Variants in PRPF18 observed in about 807,000 individuals in gnomAD.
PRPF18 encodes pre-mRNA processing factor 18.
A neutral mutation model predicts 46.5 loss-of-function variants in PRPF18; 38 were observed. The ratio of observed to expected loss-of-function variants is 0.82; its 90% CI spans 0.63 to 1.07. The LOEUF (loss-of-function observed/expected upper bound fraction) is 1.07. Ranked by LOEUF, PRPF18 falls within the 50% of genes least tolerant of loss-of-function variation. The pLI, the probability that PRPF18 is intolerant of heterozygous loss-of-function variation, is 0.00. For synonymous variants in PRPF18, 152 were observed against 146.7 expected (o/e 1.04, Z -0.26); for missense variants, 263 against 410.0 (o/e 0.64, Z 3.10).
Position 13,611,487 on chromosome 10 carries a change from A to G in PRPF18, c.511-128A>G, listed in dbSNP as rs543860956. On this transcript the variant is annotated intron_variant, in intron 5 of 9. Transcript: ENST00000378572. Reference sequence around the variant, plus strand: ...TTTTGGTTTCTTATCTAGAAATTCCATCCGATTTTTAAGTAAAAATTGAAC... The same window carrying G: ...TTTTGGTTTCTTATCTAGAAATTCCGTCCGATTTTTAAGTAAAAATTGAAC... 9.4e-5 allele frequency: 68 copies of G among 719,876 alleles called. No individual in the cohort carries two copies. In the African/African-American group the frequency reaches 1.2e-3, roughly 12 times the overall value. The allele number at this position is 719,876 out of a possible 1,614,324, so 44.6% of individuals were successfully genotyped here.
At chr10:13,590,562 A>G (rs1362182238) in intron 1 of PRPF18, among the ~76,000 whole-genome samples, 5 of 150,164 alleles carry the variant, frequency 3.3e-5, no homozygotes, top group Non-Finnish European at 7.4e-5. Context: ...CGGGGCTTGC[A>G]GTGAGCTGAT....
chr10:13,621,809 T>A (rs993333374), intron 9 of PRPF18, among the ~76,000 whole-genome samples: 1 of 152,230 alleles, frequency 6.6e-6, no homozygotes, highest in African/African-American at 2.4e-5. Flanking sequence ...GGCAAGTTGT[T>A]TTCAGTAAGC....
the PRPF18 span, chr10:13,652,745 G>A: frequency 0.048 from 7,277 of 152,270 alleles, 494 homozygotes; most frequent in African/African-American, 0.14. Flanking sequence ...TCGTTCAGTG[G>A]TTGTCAAAAC....
At chr10:13,601,168 A>T (rs2080103255) in intron 3 of PRPF18, among the ~76,000 whole-genome samples, 1 of 152,212 alleles carries the variant, frequency 6.6e-6, no homozygotes, top group Non-Finnish European at 1.5e-5. Flanking sequence ...TTATGTAGAC[A>T]TCATTGCATA....
At chr10:13,627,592 A>G (rs2080526978) in intron 9 of PRPF18, among the ~76,000 whole-genome samples, 1 of 152,172 alleles carries the variant, frequency 6.6e-6, no homozygotes, top group Non-Finnish European at 1.5e-5. Flanking sequence ...GAGATTACAC[A>G]CCTATCTCTG....
intron 1 of PRPF18, among the ~76,000 whole-genome samples, chr10:13,594,916 A>G (rs2080012427): frequency 6.6e-6 from 1 of 152,254 alleles, no homozygotes; most frequent in Admixed American, 6.5e-5. Context: ...CTACTTTAGT[A>G]TGTAACAAAA....
rs2080249226 is a variant in PRPF18, at chr10:13,610,099, A to G, written c.424A>G (p.Ile142Val). The change falls in exon 5 of 10, where the codon ATC becomes GTC. Residue 142 changes from isoleucine to valine, a missense_variant. By Grantham distance (29) the Ile-to-Val change is conservative. This residue lies in a region of PRPF18 where 155 missense variants were observed against 245.1 expected (regional missense o/e 0.63). Coordinates refer to ENST00000378572, the MANE Select transcript of PRPF18 (RefSeq NM_003675.4). ...GATTGATCAGCAGTACCTCAATGAA[A>G]TCGTCGGCGGTCAGGAGCCTGGAGA... is the stretch of plus-strand genomic sequence containing the variant. The part of the protein sequence containing the change: ...DKIDQQYLNE[I>V]VGGQEPGEED... 6.2e-7 allele frequency: 1 copy of G among 1,613,908 alleles called. No homozygotes were observed. Among genetic ancestry groups the G allele is most frequent in the South Asian group, 1.1e-5 (1 of 91,076 alleles).
the PRPF18 span, chr10:13,647,580 A>G: frequency 2.0e-5 from 3 of 152,210 alleles, no homozygotes; most frequent in Non-Finnish European, 2.9e-5. Context: ...AGTTTTCCCT[A>G]TAGTGAAACT....
At chr10:13,643,795 ATAAATT>A in the PRPF18 span, 8 of 152,698 alleles carry the variant, frequency 5.2e-5, no homozygotes, top group African/African-American at 1.7e-4. Flanking sequence ...TACAAAAAGA[ATAAATT>A]AAAAGCAGAT....
chr10:13,600,044 G>A (rs932775753), intron 2 of PRPF18, among the ~76,000 whole-genome samples, 200 bp from the exon 3 acceptor site: 2 of 152,180 alleles, frequency 1.3e-5, no homozygotes, highest in African/African-American at 4.8e-5. Context: ...GCATGCTCTG[G>A]ACTTGTGATG....
At chr10:13,596,666 A>G (rs2080039674) in intron 1 of PRPF18, among the ~76,000 whole-genome samples, 1 of 152,218 alleles carries the variant, frequency 6.6e-6, no homozygotes, top group African/African-American at 2.4e-5. Context: ...GGATAATTTT[A>G]TGTATAATGT....
In PRPF18 at chr10:13,616,614, T is replaced by C. The variant is rs2080344518; in HGVS notation, c.948+61T>C. The C allele has an allele frequency of 2.5e-6, 4 of 1,578,212 alleles. No individual in the cohort carries two copies. In the African/African-American group the frequency reaches 4.1e-5, roughly 16 times the overall value. On this transcript the variant is annotated intron_variant, in intron 9 of 9. Transcript: ENST00000378572. ...GTGAATATTCTCTAATTCCCAAAAC[T>C]CTAAGTCTGGAAAGCAGGCAGAGAA...
chr10:13,591,734 T>G (rs1481800757), intron 1 of PRPF18: 1 of 1,111,222 alleles, frequency 9.0e-7, no homozygotes, highest in Non-Finnish European at 1.3e-6. Context: ...TTGGTTGAGG[T>G]GGCAATGACA....
intron 4 of PRPF18, among the ~76,000 whole-genome samples, chr10:13,609,427 C>G (rs758123064): frequency 3.9e-5 from 6 of 152,198 alleles, no homozygotes; most frequent in African/African-American, 1.4e-4. Context: ...AACCATTACC[C>G]TATAGCCGCC....
At chr10:13,606,101 TAACA>T (rs2080180871) in intron 4 of PRPF18, among the ~76,000 whole-genome samples, 1 of 152,162 alleles carries the variant, frequency 6.6e-6, no homozygotes, top group Admixed American at 6.5e-5. Flanking sequence ...TTTCCCTATG[TAACA>T]AACCTGTCAT....
chr10:13,625,598 C>T (rs1327568127), intron 9 of PRPF18, among the ~76,000 whole-genome samples: 1 of 151,978 alleles, frequency 6.6e-6, no homozygotes, highest in Non-Finnish European at 1.5e-5. Flanking sequence ...ACCTGAAGGA[C>T]GTGAGTTTGT....
intron 3 of PRPF18, among the ~76,000 whole-genome samples, chr10:13,604,532 G>A (rs559516272): frequency 5.3e-4 from 80 of 152,252 alleles, no homozygotes; most frequent in African/African-American, 1.9e-3. Context: ...TGTTTTCTGA[G>A]GGAGAAGTTT....
the PRPF18 span, among the ~76,000 whole-genome samples, chr10:13,650,642 G>C: frequency 6.6e-6 from 1 of 152,122 alleles, no homozygotes; most frequent in African/African-American, 2.4e-5. Context: ...GGGGGAGGGG[G>C]TCTACCTTCC....
At chr10:13,597,161 T>A (rs1001839213) in intron 1 of PRPF18, among the ~76,000 whole-genome samples, 6 of 152,230 alleles carry the variant, frequency 3.9e-5, no homozygotes, top group Non-Finnish European at 7.3e-5. Context: ...CATTAAGAAG[T>A]GAAAACATTT....
Sources: gnomAD v4.1 joint callset for allele counts (sites outside exome capture counted in the v4.1 genomes callset) on GRCh38, gnomAD v4.1.1 for gene constraint, gnomAD v4.1.1 regional missense constraint, MANE v1.5 for transcripts, NCBI Gene and HGNC (gene_info 2026-07-23, HGNC 2026-07-21) for gene names.